Variants in CDH13 observed in about 807,000 individuals in gnomAD.
CDH13 encodes the protein cadherin-13.
In CDH13, 24 loss-of-function variants were observed where a neutral mutation model predicts 63.8. The ratio of observed to expected loss-of-function variants is 0.38; its 90% CI spans 0.27 to 0.53. The LOEUF is 0.53. Ranked by LOEUF, CDH13 falls within the 20% of genes least tolerant of loss-of-function variation. The pLI is 0.85. For synonymous variants in CDH13, 503 were observed against 355.3 expected (o/e 1.42, Z -4.67); for missense variants, 1,049 against 903.1 (o/e 1.16, Z -2.07).
chr16:83,780,946 A>C (rs753311851), intron 12 of CDH13, among the ~76,000 whole-genome samples: 14 of 152,218 alleles, frequency 9.2e-5, no homozygotes, highest in Non-Finnish European at 1.3e-4. Context: ...TAAAGGAAAG[A>C]GAAGTGCTAG....
intron 6 of CDH13, among the ~76,000 whole-genome samples, chr16:83,402,627 A>T (rs1025110508): frequency 6.6e-6 from 1 of 152,220 alleles, no homozygotes; most frequent in Non-Finnish European, 1.5e-5. Context: ...CACTGTTCTC[A>T]TTGATAAATC....
intron 1 of CDH13, among the ~76,000 whole-genome samples, chr16:82,796,331 G>T (rs565147404): frequency 6.6e-6 from 1 of 152,074 alleles, no homozygotes; most frequent in Non-Finnish European, 1.5e-5. Context: ...TTCCAATCTC[G>T]CTCTTCTCTT....
At chr16:83,547,233 C>A (rs932553181) in intron 7 of CDH13, among the ~76,000 whole-genome samples, 1 of 152,228 alleles carries the variant, frequency 6.6e-6, no homozygotes, top group Non-Finnish European at 1.5e-5. Flanking sequence ...CAAGAGTACA[C>A]AGCAGTGAGC....
chr16:83,396,220 G>T (rs1398465994), intron 6 of CDH13, among the ~76,000 whole-genome samples: 7 of 152,146 alleles, frequency 4.6e-5, no homozygotes, highest in Non-Finnish European at 7.3e-5. Context: ...TTGATTCCGT[G>T]CCTTTGCTAT....
chr16:82,765,944 C>G (rs954107046), intron 1 of CDH13, among the ~76,000 whole-genome samples: 4 of 152,176 alleles, frequency 2.6e-5, no homozygotes, highest in African/African-American at 7.2e-5. Context: ...AAAATCATCT[C>G]TCATAGTTAT....
At chr16:82,910,198 C>G (rs116189367) in intron 2 of CDH13, among the ~76,000 whole-genome samples, 2,616 of 152,234 alleles carry the variant, frequency 0.017, 71 homozygotes, top group African/African-American at 0.059. Context: ...GTGGCACAGG[C>G]AAGAATTAAA....
At chr16:82,800,423 A>G (rs947809381) in intron 1 of CDH13, among the ~76,000 whole-genome samples, 2 of 152,210 alleles carry the variant, frequency 1.3e-5, no homozygotes, top group Non-Finnish European at 2.9e-5. Flanking sequence ...TACCCAAATC[A>G]TAAATCAGAG....
intron 7 of CDH13, among the ~76,000 whole-genome samples, chr16:83,533,733 G>C (rs1377666996): frequency 1.4e-5 from 2 of 142,932 alleles, no homozygotes; most frequent in African/African-American, 2.6e-5. Context: ...TGATTCTCTT[G>C]CCTCACCCTC....
At chr16:83,052,331 G>C (rs981645146) in intron 3 of CDH13, among the ~76,000 whole-genome samples, 1 of 152,162 alleles carries the variant, frequency 6.6e-6, no homozygotes, top group Admixed American at 6.5e-5. Flanking sequence ...ATAGAAATAA[G>C]ATGTAAGATT....
chr16:83,704,570 G>A (rs1598521323), intron 10 of CDH13, among the ~76,000 whole-genome samples: 3 of 152,268 alleles, frequency 2.0e-5, no homozygotes, highest in Non-Finnish European at 2.9e-5. Flanking sequence ...CCACAGCCCC[G>A]CTGCCACAGG....
chr16:83,417,728 A>G (rs1567658634), intron 6 of CDH13, among the ~76,000 whole-genome samples: 1 of 152,354 alleles, frequency 6.6e-6, no homozygotes, highest in East Asian at 1.9e-4. Flanking sequence ...CTGTAGAGAT[A>G]GAATTCAAGG....
chr16:82,639,246 C>G, intron 1 of CDH13: 1 of 573,272 alleles, frequency 1.7e-6, no homozygotes, highest in Non-Finnish European at 2.9e-6. Context: ...CCTAGTCTCT[C>G]AAAGTGGGTC....
At chr16:83,217,311 G>A (rs2151788080) in intron 4 of CDH13, 34 bp from the exon 5 acceptor site, 2 of 1,611,538 alleles carry the variant, frequency 1.2e-6, no homozygotes, top group South Asian at 1.1e-5. Flanking sequence ...TGTTTTCCAG[G>A]CAGTTTTAAA....
At position 83,465,220 on chromosome 16, in the gene CDH13, A is replaced by G. The variant is rs147909211; in HGVS notation, c.782-21257A>G. 2.2e-4 allele frequency among the ~76,000 whole-genome samples: 33 copies of G among 152,344 alleles called. No homozygotes were observed. The East Asian group carries it at 6.4e-3, about 29-fold the overall frequency. On this transcript the variant is annotated intron_variant, in intron 6 of 13. Transcript: ENST00000567109. The stretch of plus-strand genomic sequence containing the variant: ...AATAAAGATGGGATAACAGGAGCTG[A>G]CAGCCTGTTAGAGAAAGCCAGAAGT...
intron 2 of CDH13, among the ~76,000 whole-genome samples, chr16:82,922,274 C>G (rs983595859): frequency 3.3e-5 from 5 of 152,084 alleles, no homozygotes; most frequent in Non-Finnish European, 7.4e-5. Context: ...TCAAAGAAGC[C>G]ATTGGCAAAT....
At chr16:83,740,604 G>A (rs1484033781) in intron 10 of CDH13, among the ~76,000 whole-genome samples, 1 of 152,162 alleles carries the variant, frequency 6.6e-6, no homozygotes, top group Non-Finnish European at 1.5e-5. Flanking sequence ...GCTGCCATAT[G>A]CCAGTCAGAA....
chr16:83,508,055 A>AGAAGGAAGGAAGGAAGGAAAGAAGGAAG (rs2074445897), intron 7 of CDH13, among the ~76,000 whole-genome samples: 45 of 58,252 alleles, frequency 7.7e-4, no homozygotes, highest in South Asian at 3.2e-3. Flanking sequence ...GAGAAAGAGA[A>AGAAGGAAGGAAGGAAGGAAAGAAGGAAG]GAAGGAAGGA....
At chr16:83,168,192 A>T (rs2037766667) in intron 4 of CDH13, among the ~76,000 whole-genome samples, 1 of 152,094 alleles carries the variant, frequency 6.6e-6, no homozygotes, top group Non-Finnish European at 1.5e-5. Flanking sequence ...TGAATCTAAA[A>T]CGAAAGTTGA....
chr16:83,400,044 C>T (rs1219853578), intron 6 of CDH13, among the ~76,000 whole-genome samples: 2 of 152,060 alleles, frequency 1.3e-5, no homozygotes, highest in Non-Finnish European at 2.9e-5. Context: ...CTTAATCGTT[C>T]CCTTATAATG....
Sources: allele counts gnomAD v4.1 joint callset (sites outside exome capture counted in the v4.1 genomes callset), GRCh38; gene constraint gnomAD v4.1.1; transcripts MANE v1.5; gene names NCBI Gene and HGNC (gene_info 2026-07-23, HGNC 2026-07-21).